MAN1B1: variants seen among roughly 807,000 people sequenced by gnomAD.
The protein encoded by MAN1B1 is mannosidase alpha class 1B member 1.
A neutral mutation model predicts 75.5 loss-of-function variants in MAN1B1; 66 were observed. The observed-to-expected ratio is 0.87, with a 90% CI of 0.72 to 1.07. MAN1B1 has a LOEUF of 1.07. Ranked by LOEUF, MAN1B1 falls within the 50% of genes least tolerant of loss-of-function variation. The pLI, the probability that MAN1B1 is intolerant of heterozygous loss-of-function variation, is 0.00. For synonymous variants in MAN1B1, 453 were observed against 382.8 expected (o/e 1.18, Z -2.14); for missense variants, 973 against 912.5 (o/e 1.07, Z -0.85).
intron 1 of MAN1B1, 112 bp from the exon 2 acceptor site, chr9:137,087,963 C>T: frequency 1.1e-6 from 1 of 907,262 alleles, no homozygotes; most frequent in East Asian, 2.4e-5. Context: ...AGAAATAGAG[C>T]TGAACACTGG....
intron 8 of MAN1B1, chr9:137,105,737 C>T: frequency 2.5e-6 from 1 of 399,246 alleles, no homozygotes; most frequent in Non-Finnish European, 4.9e-6. Context: ...CAACACTGGG[C>T]TCAGAAGGCA....
intron 12 of MAN1B1, 36 bp downstream of exon 12, chr9:137,107,698 A>G (rs770194580): frequency 3.7e-6 from 6 of 1,610,328 alleles, no homozygotes; most frequent in Non-Finnish European, 4.2e-6. Flanking sequence ...GGTCACGGCC[A>G]CCGGGCCACA....
intron 2 of MAN1B1, 93 bp downstream of exon 2, chr9:137,088,276 G>C: frequency 6.2e-7 from 1 of 1,612,358 alleles, no homozygotes; most frequent in East Asian, 2.2e-5. Flanking sequence ...AGCTCCAGGA[G>C]GCATATATGG....
Position 137,101,564 on chromosome 9 carries a change from A to G in MAN1B1, c.1146A>G (p.Gly382=), listed in dbSNP as rs113389928. The G allele has an allele frequency of 5.8e-4, 941 of 1,613,850 alleles. 7 individuals are homozygous for G. The African/African-American group carries it at 0.011, about 19-fold the overall frequency. ...IPYSDVNIGT[G]VAHPPRWTSD... ...ACTCGGATGTGAACATCGGTACTGG[A>G]GTTGCCCACCCGCCACGGTGGACCT... Residue 382 remains glycine, a synonymous_variant, in exon 8 of 13, where the codon GGA becomes GGG. Transcript: ENST00000371589.
rs773646212 is a variant in MAN1B1, at chr9:137,108,369, G to A, written c.1897-19G>A. The A allele has an allele frequency of 1.9e-6, 3 of 1,611,040 alleles. No homozygotes were observed. Among genetic ancestry groups the A allele is most frequent in the East Asian group, 2.2e-5 (1 of 44,876 alleles). On this transcript the variant is annotated intron_variant, in intron 12 of 12. Transcript: ENST00000371589. ...CAGGGTGCCCCCCGTGTGGTGACGA[G>A]GCCCTGGCTGCTGCACAGGTCCCCT... is the stretch of plus-strand genomic sequence containing the variant.
intron 4 of MAN1B1, among the ~76,000 whole-genome samples, chr9:137,097,364 C>T (rs940782618): frequency 6.6e-6 from 1 of 152,192 alleles, no homozygotes; most frequent in Admixed American, 6.5e-5. Context: ...CTCTACACAA[C>T]CTCATAGCTG....
chr9:137,089,540 C>G (rs951778169), intron 3 of MAN1B1, among the ~76,000 whole-genome samples: 4 of 152,174 alleles, frequency 2.6e-5, no homozygotes, highest in Non-Finnish European at 5.9e-5. Context: ...GTGAAATTCC[C>G]AGGGCTGGGA....
At chr9:137,106,624 C>T in intron 9 of MAN1B1, 65 bp from the exon 10 acceptor site, 2 of 1,608,794 alleles carry the variant, frequency 1.2e-6, no homozygotes, top group Non-Finnish European at 1.7e-6. Context: ...ATGTGCCTGT[C>T]CCTGGTGCCC....
chr9:137,095,690 C>T (rs533246492), intron 3 of MAN1B1, among the ~76,000 whole-genome samples: 76 of 152,354 alleles, frequency 5.0e-4, no homozygotes, highest in African/African-American at 1.7e-3. Flanking sequence ...AGCTTTCCCA[C>T]GCTCCTGTTC....
At chr9:137,102,283 A>C (rs1286887128) in intron 8 of MAN1B1, 26 of 403,690 alleles carry the variant, frequency 6.4e-5, no homozygotes, top group East Asian at 1.6e-4. Context: ...TGTTACACAC[A>C]TTCACTGTTG....
rs947107486 is a variant in MAN1B1 at position 137,088,152 on chromosome 9, C to A, written c.297C>A (p.Leu99=). The A allele has an allele frequency of 2.5e-6, 4 of 1,614,172 alleles. No individual in the cohort carries two copies. Among genetic ancestry groups the A allele is most frequent in the Non-Finnish European group, 3.4e-6 (4 of 1,180,024 alleles). Residue 99 remains leucine (L), a synonymous_variant, in exon 2 of 13, where the codon CTC becomes CTA. Transcript: ENST00000371589. ...CCTTTCTGCTTTTCTGTGGACTCCT[C>A]TTCTACATCAACTTGGCTGACCATT... ...LLAFLLFCGL[L]FYINLADHWK...
chr9:137,088,905 G>A lies in MAN1B1; in HGVS notation c.365G>A (p.Arg122Lys). ...AFRLEEEQKM[R>K]PEIAGLKPAN... The stretch of plus-strand genomic sequence containing the variant: ...AGGCTAGAGGAAGAGCAGAAGATGA[G>A]GCCAGAAATTGCTGGGTTAAAACCA... Residue 122 changes from arginine (R) to lysine (K), a missense_variant, in exon 3 of 13, where the codon AGG becomes AAG. Coordinates refer to ENST00000371589, the MANE Select transcript of MAN1B1 (RefSeq NM_016219.5). The A allele has an allele frequency of 6.2e-7, 1 of 1,613,978 alleles. No individual in the cohort carries two copies. Among genetic ancestry groups the A allele is most frequent in the East Asian group, 2.2e-5 (1 of 44,884 alleles).
In MAN1B1 at chr9:137,107,586, T is replaced by C; in HGVS notation, c.1820T>C (p.Leu607Pro). ...GAGACCGTGGAGAGCCTGTTCTACC[T>C]GTACCGCGTCACAGGGGACCGCAAA... ...RPETVESLFY[L>P]YRVTGDRKYQ... is the part of the protein sequence containing the mutation. The change falls in exon 12 of 13, where the codon CTG becomes CCG. Residue 607 changes from leucine (L) to proline (P), a missense_variant. Coordinates refer to ENST00000371589, the MANE Select transcript of MAN1B1 (RefSeq NM_016219.5). The C allele has an allele frequency of 6.2e-7, 1 of 1,612,376 alleles. No individual in the cohort carries two copies. Among genetic ancestry groups the C allele is most frequent in the Non-Finnish European group, 8.5e-7 (1 of 1,179,976 alleles).
In MAN1B1 at chr9:137,093,827, C is replaced by CT. The variant is rs575427096; in HGVS notation, c.466-2409dup. 3.4e-3 allele frequency among the ~76,000 whole-genome samples: 516 copies of CT among 151,940 alleles called. 9 individuals carry two copies. The highest frequency in any genetic ancestry group is 0.012 in the African/African-American group (490 of 41,490). On this transcript the variant is annotated intron_variant, in intron 3 of 12. Coordinates refer to ENST00000371589, the MANE Select transcript of MAN1B1 (RefSeq NM_016219.5). ...CCAGCCTGGGCGACAGAGCAAGACT[C>CT]TGTCTCAAAAAAAAGAGAAAAGATT... is the stretch of plus-strand genomic sequence containing the variant.
rs1189415685 is a variant in MAN1B1 at position 137,108,766 on chromosome 9, C to T, written c.*175C>T. 4 of 720,524 alleles carry T rather than the reference C, an allele frequency of 5.6e-6. No individual in the cohort carries two copies. In the Admixed American group the frequency reaches 6.0e-5, roughly 11 times the overall value. The allele number at this position is 720,524 out of a possible 1,614,324, so 44.6% of individuals were successfully genotyped here. A position where few individuals can be genotyped will look rare whatever the true frequency, so the allele number is the denominator to read the frequency against. ...CAGGACACCGTGAGGACAAGTGAGG[C>T]CGTCAGTCTTGGTGTGATGCGGGGT... On this transcript the variant is annotated 3_prime_UTR_variant, in exon 13 of 13. Coordinates refer to ENST00000371589, the MANE Select transcript of MAN1B1 (RefSeq NM_016219.5).
intron 1 of MAN1B1, chr9:137,087,681 CTACA>C: frequency 2.5e-6 from 1 of 404,414 alleles, no homozygotes; most frequent in Non-Finnish European, 4.7e-6. Flanking sequence ...GGTGCCTGGG[CTACA>C]TCTGTGGGAG....
At position 137,106,628 on chromosome 9, in the gene MAN1B1, G is replaced by A. The variant is rs570615544; in HGVS notation, c.1446-61G>A. ...GTGGGCCCAGGATGTGCCTGTCCCT[G>A]GTGCCCCACGGGAGCCGATGCACCG... On this transcript the variant is annotated intron_variant, in intron 9 of 12. Transcript: ENST00000371589. 274 of 1,610,036 alleles carry A rather than the reference G, an allele frequency of 1.7e-4. 1 individual carries two copies. In the Admixed American group the frequency reaches 4.4e-3, roughly 26 times the overall value.
chr9:137,107,598 C>T lies in MAN1B1; in HGVS notation c.1832C>T (p.Thr611Ile), dbSNP rs756182671. The change falls in exon 12 of 13, where the codon ACA becomes ATA. Residue 611 changes from threonine (T) to isoleucine (I), a missense_variant. Thr to Ile is a moderately conservative substitution (Grantham distance 89). Coordinates refer to ENST00000371589, the MANE Select transcript of MAN1B1 (RefSeq NM_016219.5). ...AGCCTGTTCTACCTGTACCGCGTCA[C>T]AGGGGACCGCAAATACCAGGACTGG... ...VESLFYLYRV[T>I]GDRKYQDWGW... 6.2e-7 allele frequency: 1 copy of T among 1,611,824 alleles called. No individual in the cohort carries two copies. Among genetic ancestry groups the T allele is most frequent in the Non-Finnish European group, 8.5e-7 (1 of 1,179,988 alleles).
chr9:137,105,480 CAG>C (rs1831061500), intron 8 of MAN1B1: 1 of 196,310 alleles, frequency 5.1e-6, no homozygotes, highest in South Asian at 8.2e-5. Context: ...TGCCGGTACA[CAG>C]GGATAGGCAG....
Sources: allele counts gnomAD v4.1 joint callset (sites outside exome capture counted in the v4.1 genomes callset), GRCh38; gene constraint gnomAD v4.1.1; transcripts MANE v1.5; gene names NCBI Gene and HGNC (gene_info 2026-07-23, HGNC 2026-07-21).